Variants in ECE2 observed in about 807,000 individuals in gnomAD.
ECE2 encodes the protein endothelin-converting enzyme 2.
ECE2 carries 81 observed loss-of-function variants against 100.6 expected under a neutral mutation model. That is an observed-to-expected ratio of 0.81 (90% CI 0.67 to 0.97). The LOEUF (loss-of-function observed/expected upper bound fraction) is 0.97, where lower values mean the gene tolerates loss of function less well. ECE2 is among the 50% of genes least tolerant of loss of function. ECE2 has a pLI of 0.00. For missense variants in ECE2, 911 were observed against 988.1 expected (o/e 0.92, Z 1.05); for synonymous variants, 391 against 391.5 (o/e 1.00, Z 0.02).
In ECE2 at chr3:184,276,925, G is replaced by C. The variant is rs1344310270; in HGVS notation, c.160G>C (p.Gly54Arg). 1.9e-6 allele frequency: 3 copies of C among 1,614,190 alleles called. No homozygotes were observed. The highest frequency in any genetic ancestry group is 1.3e-5 in the African/African-American group (1 of 75,060). Residue 54 changes from glycine (G) to arginine (R), a missense_variant, in exon 3 of 19, where the codon GGC (glycine) becomes CGC (arginine). Transcript: ENST00000404464. Reference sequence around the variant, plus strand: ...CCAGAAGGGGACAAGACAGCTGTTAGGCTCACGCACGCAGCTGGAGCTGGT... The same window carrying C: ...CCAGAAGGGGACAAGACAGCTGTTACGCTCACGCACGCAGCTGGAGCTGGT... Reference protein sequence around the residue: ...GFQKGTRQLLGSRTQLELVLA... With the variant: ...GFQKGTRQLLRSRTQLELVLA...
intron 1 of ECE2, 124 bp from the exon 2 acceptor site, chr3:184,276,357 G>A: frequency 7.1e-7 from 1 of 1,404,502 alleles, no homozygotes; most frequent in Non-Finnish European, 9.7e-7. Context: ...AGCAGGGCAG[G>A]TGGGAAGGGA....
intron 7 of ECE2, among the ~76,000 whole-genome samples, chr3:184,283,561 C>CAAAAAAAAA (rs35761542): frequency 4.1e-4 from 22 of 53,104 alleles, no homozygotes; most frequent in East Asian, 6.9e-4. Flanking sequence ...GACTCCATCT[C>CAAAAAAAAA]AAAAAAAAAA....
At chr3:184,288,006 C>A in intron 11 of ECE2, 59 bp downstream of exon 11, 2 of 1,520,478 alleles carry the variant, frequency 1.3e-6, no homozygotes, top group Non-Finnish European at 1.8e-6. Context: ...CATGTATGTG[C>A]AGACATATAG....
rs1381139479 is a variant in ECE2, at chr3:184,290,573, C to T, written c.1672C>T (p.Gln558Ter). ...PSRDQWSMTP[Q>*]TVNAYYLPTK... is the part of the protein sequence containing the mutation. ...CTCCGCCAGGTGGAGCATGACCCCC[C>T]AGACAGTGAATGCCTACTACCTTCC... Residue 558 changes from glutamine (Q) to a stop codon, truncating the protein, a stop_gained, in exon 15 of 19, where the codon CAG (glutamine) becomes TAG (stop). Transcript: ENST00000404464. LOFTEE classifies it high-confidence loss of function. 6.2e-7 allele frequency: 1 copy of T among 1,614,194 alleles called. No individual in the cohort carries two copies.
Position 184,283,882 on chromosome 3 carries a change from TG to T in ECE2, c.916del (p.Glu306ArgfsTer24). 6.2e-7 allele frequency: 1 copy of T among 1,613,748 alleles called. No individual in the cohort carries two copies. The highest frequency in any genetic ancestry group is 1.1e-5 in the South Asian group (1 of 91,066). On this transcript the variant is annotated frameshift_variant, in exon 8 of 19. Transcript: ENST00000404464. LOFTEE classifies it high-confidence loss of function. ...GAGCAGATGCAGCAGGTGCTGGAGT[TG>T]GAGATACAGCTGGCCAACATCACAG... ...TREQMQQVLE[L>X]EIQLANITVP...
At position 184,290,775 on chromosome 3, in the gene ECE2, C is replaced by G. The variant is rs1426280942; in HGVS notation, c.1767-18C>G. The G allele has an allele frequency of 6.2e-7, 1 of 1,614,036 alleles. No homozygotes were observed. The highest frequency in any genetic ancestry group is 8.5e-7 in the Non-Finnish European group (1 of 1,179,934). On this transcript the variant is annotated intron_variant, in intron 15 of 18. Transcript: ENST00000404464. Reference sequence around the variant, plus strand: ...AGTACCCCCGCCATGTCCTCACTTGCTATTCCTCACCCACCAGGGCCCTGA... The same window carrying G: ...AGTACCCCCGCCATGTCCTCACTTGGTATTCCTCACCCACCAGGGCCCTGA...
At chr3:184,290,459 G>T in intron 14 of ECE2, 98 bp from the exon 15 acceptor site, 1 of 1,556,502 alleles carries the variant, frequency 6.4e-7, no homozygotes, top group Non-Finnish European at 8.8e-7. Flanking sequence ...TCCCAGACCG[G>T]CGGCCCCATA....
At chr3:184,280,840 G>A (rs899153933) in intron 7 of ECE2, among the ~76,000 whole-genome samples, 11 of 152,044 alleles carry the variant, frequency 7.2e-5, no homozygotes, top group Admixed American at 5.2e-4. Flanking sequence ...TTAGCCCGAC[G>A]TGGTGGCGGG....
intron 7 of ECE2, among the ~76,000 whole-genome samples, chr3:184,282,119 A>T (rs1207100056): frequency 3.9e-5 from 6 of 152,174 alleles, no homozygotes; most frequent in African/African-American, 1.4e-4. Flanking sequence ...CAACAAAAAA[A>T]CTAAGAGTAA....
intron 10 of ECE2, among the ~76,000 whole-genome samples, chr3:184,286,697 G>A (rs774837467): frequency 2.2e-4 from 34 of 151,710 alleles, no homozygotes; most frequent in Non-Finnish European, 3.4e-4. Context: ...CCAGCTACTC[G>A]GGAGGCTGAA....
At chr3:184,276,372 C>G (rs1720548299) in intron 1 of ECE2, 109 bp from the exon 2 acceptor site, 2 of 1,444,660 alleles carry the variant, frequency 1.4e-6, no homozygotes, top group Non-Finnish European at 1.9e-6. Flanking sequence ...AAGGGAAGGG[C>G]CCTCTTAGCA....
intron 8 of ECE2, among the ~76,000 whole-genome samples, chr3:184,284,688 G>A (rs575901014): frequency 6.6e-6 from 1 of 152,284 alleles, no homozygotes; most frequent in African/African-American, 2.4e-5. Flanking sequence ...GCAGGGTGTT[G>A]GGAGTGGTAT....
At chr3:184,277,069 G>A (rs778079812) in intron 3 of ECE2, 42 bp downstream of exon 3, 1 of 1,612,706 alleles carries the variant, frequency 6.2e-7, no homozygotes, top group Non-Finnish European at 8.5e-7. Flanking sequence ...ATAACTAGGG[G>A]TTCTGGAGGC....
Position 184,292,261 on chromosome 3 carries a change from C to A in ECE2, c.*23C>A. 1 of 1,611,310 alleles carries A rather than the reference C, an allele frequency of 6.2e-7. No individual in the cohort carries two copies. The highest frequency in any genetic ancestry group is 1.1e-5 in the South Asian group (1 of 90,968). Reference sequence around the variant, plus strand: ...TAGACCTGGATCAGGGGAGAAATGGCCAGCTGTCACCAGACCTGGGGCAGC... The same window carrying A: ...TAGACCTGGATCAGGGGAGAAATGGACAGCTGTCACCAGACCTGGGGCAGC... On this transcript the variant is annotated 3_prime_UTR_variant, in exon 19 of 19. Transcript: ENST00000404464.
chr3:184,276,935 C>G lies in ECE2; in HGVS notation c.170C>G (p.Thr57Arg), dbSNP rs755011871. 11 of 1,614,086 alleles carry G rather than the reference C, an allele frequency of 6.8e-6. No homozygotes were observed. The highest frequency in any genetic ancestry group is 8.5e-6 in the Non-Finnish European group (10 of 1,180,040). ...KGTRQLLGSR[T>R]QLELVLAGAS... ...ACAAGACAGCTGTTAGGCTCACGCA[C>G]GCAGCTGGAGCTGGTCTTAGCAGGT... The change falls in exon 3 of 19, where the codon ACG becomes AGG. Residue 57 changes from threonine to arginine, a missense_variant. Transcript: ENST00000404464.
At chr3:184,278,392 G>A in intron 6 of ECE2, 79 bp downstream of exon 6, 12 of 1,589,324 alleles carry the variant, frequency 7.6e-6, no homozygotes, top group Non-Finnish European at 1.0e-5. Context: ...TGACAGGCAG[G>A]CTGGGCTGAC....
intron 7 of ECE2, among the ~76,000 whole-genome samples, chr3:184,279,500 A>G (rs1720728288): frequency 6.6e-6 from 1 of 151,746 alleles, no homozygotes; most frequent in Non-Finnish European, 1.5e-5. Context: ...TACTAAAAAT[A>G]CAAAAATTAG....
intron 7 of ECE2, among the ~76,000 whole-genome samples, chr3:184,282,690 A>G (rs1395399092): frequency 6.6e-6 from 1 of 152,194 alleles, no homozygotes; most frequent in Non-Finnish European, 1.5e-5. Context: ...CCCTGGGGTC[A>G]TCAGGCCTGG....
intron 2 of ECE2, 128 bp from the exon 3 acceptor site, chr3:184,276,764 C>T (rs1174082034): frequency 1.3e-6 from 2 of 1,557,666 alleles, no homozygotes; most frequent in Non-Finnish European, 1.7e-6. Flanking sequence ...AACTCACTGG[C>T]TGGCCTCATT....
Sources: gnomAD v4.1 joint callset for allele counts (sites outside exome capture counted in the v4.1 genomes callset) on GRCh38, gnomAD v4.1.1 for gene constraint, MANE v1.5 for transcripts, NCBI Gene and HGNC (gene_info 2026-07-23, HGNC 2026-07-21) for gene names.